The following TNFSF4 variants were observed in gnomAD, a reference collection of about 807,000 sequenced individuals.
TNFSF4 encodes the protein TNF superfamily member 4.
Under a neutral mutation model 7.3 loss-of-function variants are expected in TNFSF4, and 4 were observed. The observed-to-expected ratio is 0.55, with a 90% CI of 0.27 to 1.25. The LOEUF (loss-of-function observed/expected upper bound fraction) is 1.25. Among genes scored for constraint, TNFSF4 ranks in the 50% most tolerant of loss-of-function variants. TNFSF4 has a pLI of 0.12. For missense variants in TNFSF4, 181 were observed against 208.8 expected, an observed-to-expected ratio of 0.87 and a Z score of 0.82; for synonymous variants, 76 against 83.7, an observed-to-expected ratio of 0.91 and a Z score of 0.50.
intron 1 of TNFSF4, among the ~76,000 whole-genome samples, chr1:173,197,510 A>G (rs1649755453): frequency 6.6e-6 from 1 of 152,242 alleles, no homozygotes; most frequent in Non-Finnish European, 1.5e-5. Flanking sequence ...CTGTGCAGCC[A>G]TCAAAAGGAA....
chr1:173,423,757 T>C, the TNFSF4 span, among the ~76,000 whole-genome samples: 1 of 152,212 alleles, frequency 6.6e-6, no homozygotes, highest in Non-Finnish European at 1.5e-5. Flanking sequence ...ATGTCTGCCT[T>C]TAATATTATC....
chr1:173,350,459 C>T, the TNFSF4 span, among the ~76,000 whole-genome samples: 1 of 152,152 alleles, frequency 6.6e-6, no homozygotes, highest in Non-Finnish European at 1.5e-5. Context: ...AAGTGGGTGT[C>T]CAACATTCTC....
At chr1:173,175,789 C>G in the TNFSF4 span, among the ~76,000 whole-genome samples, 1 of 152,208 alleles carries the variant, frequency 6.6e-6, no homozygotes. Flanking sequence ...CATGTCTAGA[C>G]TAAGCTTGGG....
the TNFSF4 span, among the ~76,000 whole-genome samples, chr1:173,253,936 G>C: frequency 6.6e-6 from 1 of 152,128 alleles, no homozygotes; most frequent in African/African-American, 2.4e-5. Flanking sequence ...AGACATTCCA[G>C]GACAGTTACA....
At chr1:173,233,077 T>C in the TNFSF4 span, among the ~76,000 whole-genome samples, 4 of 152,076 alleles carry the variant, frequency 2.6e-5, no homozygotes, top group Admixed American at 2.6e-4. Flanking sequence ...GCTAAAAACC[T>C]TGAGAAAAAG....
the TNFSF4 span, among the ~76,000 whole-genome samples, chr1:173,421,083 C>T: frequency 6.6e-6 from 1 of 152,158 alleles, no homozygotes; most frequent in Non-Finnish European, 1.5e-5. Context: ...TCACACCATC[C>T]CTACATGTCA....
the TNFSF4 span, among the ~76,000 whole-genome samples, chr1:173,218,749 TA>T: frequency 1.3e-5 from 2 of 152,078 alleles, no homozygotes; most frequent in Non-Finnish European, 2.9e-5. Context: ...CTTAGAAAAA[TA>T]AAAGACAGAA....
At chr1:173,233,387 C>G in the TNFSF4 span, among the ~76,000 whole-genome samples, 2 of 152,140 alleles carry the variant, frequency 1.3e-5, no homozygotes, top group Non-Finnish European at 2.9e-5. Flanking sequence ...AGAATGGAAC[C>G]AAGTTGGAAA....
chr1:173,437,849 T>C, the TNFSF4 span, among the ~76,000 whole-genome samples: 1 of 152,136 alleles, frequency 6.6e-6, no homozygotes, highest in Non-Finnish European at 1.5e-5. Flanking sequence ...ATTCAAAATA[T>C]TCTTAGTTTT....
At chr1:173,450,043 A>G in the TNFSF4 span, among the ~76,000 whole-genome samples, 1 of 152,204 alleles carries the variant, frequency 6.6e-6, no homozygotes, top group Non-Finnish European at 1.5e-5. Context: ...AGCCTGGATG[A>G]CCAAGAAAAA....
the TNFSF4 span, among the ~76,000 whole-genome samples, chr1:173,378,130 C>G: frequency 6.6e-6 from 1 of 152,182 alleles, no homozygotes; most frequent in African/African-American, 2.4e-5. Flanking sequence ...CCTCGGTCCT[C>G]CTTGTGGTCT....
At chr1:173,188,625 G>C (rs10489270) in intron 1 of TNFSF4, 56 bp from the exon 2 acceptor site, 2 of 1,451,426 alleles carry the variant, frequency 1.4e-6, no homozygotes. Context: ...AATGAAATTC[G>C]CAAGTCATAT....
chr1:173,356,667 T>C, the TNFSF4 span, among the ~76,000 whole-genome samples: 613 of 152,342 alleles, frequency 4.0e-3, 5 homozygotes, highest in African/African-American at 0.013. Context: ...GTCTTTAATG[T>C]TAATGTTTCA....
At position 173,184,532 on chromosome 1, in the gene TNFSF4, CCT is replaced by C. The variant is rs752327689; in HGVS notation, c.*1982_*1983del. On this transcript the variant is annotated 3_prime_UTR_variant, in exon 3 of 3. Coordinates refer to ENST00000281834, the MANE Select transcript of TNFSF4 (RefSeq NM_003326.5). ...ACAACACACACAACATATACTTAGG[CCT>C]GCATGTGCACTGCACATCTGTGAGA... The C allele has an allele frequency of 6.6e-6, 1 of 152,160 alleles. No homozygotes were observed. The highest frequency in any genetic ancestry group is 1.5e-5 in the Non-Finnish European group (1 of 68,036). The allele number at this position is 152,160 out of a possible 1,614,324, so 9.4% of individuals were successfully genotyped here. A position where few individuals can be genotyped will look rare whatever the true frequency, so the allele number is the denominator to read the frequency against.
At chr1:173,381,768 C>T in the TNFSF4 span, among the ~76,000 whole-genome samples, 3 of 152,266 alleles carry the variant, frequency 2.0e-5, 1 homozygote, top group Middle Eastern at 6.8e-3. Context: ...CAGGTGAAGC[C>T]GGCTGGGCTT....
chr1:173,403,770 C>T, the TNFSF4 span, among the ~76,000 whole-genome samples: 1 of 151,904 alleles, frequency 6.6e-6, no homozygotes, highest in Admixed American at 6.6e-5. Flanking sequence ...GGTGTGGTGG[C>T]GGGTGCCTGT....
chr1:173,327,415 G>C, the TNFSF4 span, among the ~76,000 whole-genome samples: 3 of 151,764 alleles, frequency 2.0e-5, no homozygotes, highest in Non-Finnish European at 4.4e-5. Context: ...AGAAAACCTA[G>C]GCAATACCAT....
At chr1:173,354,532 A>G in the TNFSF4 span, among the ~76,000 whole-genome samples, 1 of 152,204 alleles carries the variant, frequency 6.6e-6, no homozygotes, top group Non-Finnish European at 1.5e-5. Context: ...GCAGAGATAC[A>G]ACAAAAAAAG....
the TNFSF4 span, among the ~76,000 whole-genome samples, chr1:173,343,213 T>C: frequency 6.6e-6 from 1 of 152,138 alleles, no homozygotes; most frequent in Non-Finnish European, 1.5e-5. Context: ...TAAATAAATA[T>C]ATAGTATGAT....
Sources: allele counts gnomAD v4.1 joint callset (sites outside exome capture counted in the v4.1 genomes callset), GRCh38; gene constraint gnomAD v4.1.1; transcripts MANE v1.5; gene names NCBI Gene and HGNC (gene_info 2026-07-23, HGNC 2026-07-21).